GABRB2: variants seen among roughly 807,000 people sequenced by gnomAD.
The protein encoded by GABRB2 is gamma-aminobutyric acid type A receptor subunit beta2.
Under a neutral mutation model 54.7 loss-of-function variants are expected in GABRB2, and 16 were observed. The observed-to-expected ratio is 0.29, with a 90% confidence interval of 0.20 to 0.44. The LOEUF (loss-of-function observed/expected upper bound fraction) is 0.44, where lower values mean the gene tolerates loss of function less well. GABRB2 is among the 20% of genes least tolerant of loss of function. The pLI, the probability that GABRB2 is intolerant of heterozygous loss-of-function variation, is 1.00. For synonymous variants in GABRB2, 244 were observed against 233.8 expected (o/e 1.04, Z -0.40); for missense variants, 355 against 644.0 (o/e 0.55, Z 4.86).
Position 161,364,578 on chromosome 5 carries a change from C to A in GABRB2, c.542-27809G>T, listed in dbSNP as rs17059364. On this transcript the variant is annotated intron_variant, in intron 5 of 9. Transcript: ENST00000393959. ...AAGGGATCTTAAAATGTCTCTACTC[C>A]AACTATCCATTTCATATTTGGTTGT... Among the ~76,000 whole-genome samples, 1,580 of 152,188 alleles carry A rather than the reference C, an allele frequency of 0.01. 84 individuals carry two copies. The East Asian group carries it at 0.17, about 17-fold the overall frequency.
intron 9 of GABRB2, among the ~76,000 whole-genome samples, chr5:161,308,152 T>C (rs1337654991): frequency 1.3e-5 from 2 of 152,156 alleles, no homozygotes; most frequent in Non-Finnish European, 2.9e-5. Context: ...TGAGCCACCA[T>C]GCCCAGCTGA....
chr5:161,352,811 T>C (rs1440134070), intron 5 of GABRB2, among the ~76,000 whole-genome samples: 1 of 152,026 alleles, frequency 6.6e-6, no homozygotes, highest in African/African-American at 2.4e-5. Flanking sequence ...TACATAATTT[T>C]ACATATATAT....
intron 4 of GABRB2, among the ~76,000 whole-genome samples, chr5:161,428,288 CGTGT>C (rs71302909): frequency 0.018 from 2,631 of 145,174 alleles, 44 homozygotes; most frequent in African/African-American, 0.036. Flanking sequence ...CAGAGAGTTA[CGTGT>C]GTGTGTGTGT....
chr5:161,393,422 C>A (rs1425017218), intron 5 of GABRB2, among the ~76,000 whole-genome samples: 1 of 148,040 alleles, frequency 6.8e-6, no homozygotes, highest in South Asian at 2.1e-4. Context: ...CATAGTTTGC[C>A]AACTATGGTC....
chr5:161,489,998 A>C (rs1759052327), intron 3 of GABRB2, among the ~76,000 whole-genome samples: 2 of 151,662 alleles, frequency 1.3e-5, no homozygotes, highest in Admixed American at 1.3e-4. Flanking sequence ...TTAAGTCAGA[A>C]AATCCAATGT....
At chr5:161,330,256 A>G (rs1753792405) in intron 8 of GABRB2, 2 of 152,328 alleles carry the variant, frequency 1.3e-5, no homozygotes, top group East Asian at 1.9e-4. Flanking sequence ...TGCTGCAATG[A>G]TAAGTGGTAT....
At chr5:161,428,654 G>T (rs1232625481) in intron 4 of GABRB2, among the ~76,000 whole-genome samples, 1 of 152,126 alleles carries the variant, frequency 6.6e-6, no homozygotes, top group Non-Finnish European at 1.5e-5. Flanking sequence ...GACAATAAAT[G>T]AATATTAATC....
intron 9 of GABRB2, among the ~76,000 whole-genome samples, chr5:161,296,347 T>C (rs1757379825): frequency 6.6e-6 from 1 of 152,208 alleles, no homozygotes; most frequent in Admixed American, 6.6e-5. Context: ...TTGGCCACCA[T>C]GCATGATGTT....
chr5:161,339,657 C>T (rs1754096012), intron 5 of GABRB2, among the ~76,000 whole-genome samples: 1 of 152,028 alleles, frequency 6.6e-6, no homozygotes. Flanking sequence ...ACTTCACTTC[C>T]ATTATCTCAT....
Position 161,330,955 on chromosome 5 carries a change from G to C in GABRB2, c.1005C>G (p.Pro335=), listed in dbSNP as rs774354089. ...LVNYIFFGRG[P]QRQKKAAEKA... ...TCTCAGCTGCTTTCTTTTGGCGTTG[G>C]GGCCCCCTCCCAAAGAAGATGTAGT... Residue 335 remains proline (P), a synonymous_variant, in exon 8 of 10, where the codon CCC becomes CCG. Transcript: ENST00000393959. The C allele has an allele frequency of 2.5e-6, 4 of 1,614,028 alleles. No homozygotes were observed. The African/African-American group carries it at 5.3e-5, about 22-fold the overall frequency.
At chr5:161,421,668 C>T (rs1350446366) in intron 4 of GABRB2, among the ~76,000 whole-genome samples, 1 of 152,064 alleles carries the variant, frequency 6.6e-6, no homozygotes, top group Non-Finnish European at 1.5e-5. Context: ...CAGACAGACC[C>T]CTCAATCCAC....
chr5:161,455,241 G>A (rs1227461714), intron 4 of GABRB2, among the ~76,000 whole-genome samples: 4 of 151,930 alleles, frequency 2.6e-5, no homozygotes, highest in African/African-American at 7.3e-5. Context: ...TGACAAGAGT[G>A]GTAGCAAGGT....
At chr5:161,302,069 G>C (rs543733884) in intron 9 of GABRB2, among the ~76,000 whole-genome samples, 3 of 152,216 alleles carry the variant, frequency 2.0e-5, no homozygotes, top group Non-Finnish European at 4.4e-5. Context: ...TTCTCCAGAT[G>C]ATCCTCTGTG....
chr5:161,393,299 T>TTAAAAA (rs1755888496), intron 5 of GABRB2, among the ~76,000 whole-genome samples: 1 of 40,248 alleles, frequency 2.5e-5, no homozygotes, highest in Non-Finnish European at 4.6e-5. Context: ...TTTAAAAATG[T>TTAAAAA]AAAAAAAAAA....
At position 161,289,740 on chromosome 5, in the gene GABRB2, A is replaced by T. The variant is rs1036652074; in HGVS notation, c.*4341T>A. The T allele has an allele frequency of 6.6e-6, 1 of 151,912 alleles. No homozygotes were observed. Among genetic ancestry groups the T allele is most frequent in the African/African-American group, 2.4e-5 (1 of 41,342 alleles). The allele number at this position is 151,912 out of a possible 1,614,324, so 9.4% of individuals were successfully genotyped here. ...CTACATAAATAGTAGAGTGTTTCCC[A>T]TAGACGGGCAGAGAGACAGAGTGGG... is the stretch of plus-strand genomic sequence containing the variant. On this transcript the variant is annotated 3_prime_UTR_variant, in exon 10 of 10. Transcript: ENST00000393959.
chr5:161,406,021 G>T (rs1349507912), intron 5 of GABRB2, among the ~76,000 whole-genome samples: 1 of 152,034 alleles, frequency 6.6e-6, no homozygotes, highest in Non-Finnish European at 1.5e-5. Flanking sequence ...CTAAGAAGAA[G>T]AGATGCTTGT....
intron 5 of GABRB2, among the ~76,000 whole-genome samples, chr5:161,366,051 TTATC>T (rs1754963206): frequency 6.7e-6 from 1 of 150,360 alleles, no homozygotes; most frequent in Non-Finnish European, 1.5e-5. Flanking sequence ...AGTTGTCAAG[TTATC>T]TAGTATGAAC....
At chr5:161,327,468 A>C (rs1170946339) in intron 8 of GABRB2, among the ~76,000 whole-genome samples, 1 of 152,112 alleles carries the variant, frequency 6.6e-6, no homozygotes, top group Non-Finnish European at 1.5e-5. Flanking sequence ...GAACTTTTAA[A>C]AGCTTGCTAT....
At chr5:161,414,657 T>A (rs915125669) in intron 4 of GABRB2, among the ~76,000 whole-genome samples, 9 of 152,042 alleles carry the variant, frequency 5.9e-5, no homozygotes. Flanking sequence ...AGGAGCCACA[T>A]CTGTTCTGTC....
Sources: gnomAD v4.1 joint callset for allele counts (sites outside exome capture counted in the v4.1 genomes callset) on GRCh38, gnomAD v4.1.1 for gene constraint, MANE v1.5 for transcripts, NCBI Gene and HGNC (gene_info 2026-07-23, HGNC 2026-07-21) for gene names.